The following SDK2 variants were observed in gnomAD, a reference collection of about 807,000 sequenced individuals.
SDK2 encodes sidekick cell adhesion molecule 2.
SDK2 carries 105 observed loss-of-function variants against 253.9 expected under a neutral mutation model. The observed-to-expected ratio is 0.41, with a 90% CI of 0.35 to 0.49. The LOEUF is 0.49. Among genes scored for constraint, SDK2 ranks in the 20% least tolerant of loss-of-function variants. The probability of loss-of-function intolerance (pLI) is 0.06; values close to 1 mark genes in which losing one functional copy is unlikely to be tolerated. For missense variants in SDK2, 2,608 were observed against 3,003.0 expected (o/e 0.87, Z 3.07); for synonymous variants, 1,249 against 1,234.9 (o/e 1.01, Z -0.24).
chr17:73,387,712 T>G, intron 30 of SDK2, 124 bp downstream of exon 30: 5 of 815,862 alleles, frequency 6.1e-6, no homozygotes, highest in Non-Finnish European at 7.6e-6. Flanking sequence ...GGGTGGTGCA[T>G]GTAGGAGGAG....
At position 73,395,245 on chromosome 17, in the gene SDK2, A is replaced by G. The variant is rs2062961242; in HGVS notation, c.3502T>C (p.Trp1168Arg). The G allele has an allele frequency of 6.2e-7, 1 of 1,612,878 alleles. No homozygotes were observed. The highest frequency in any genetic ancestry group is 1.3e-5 in the African/African-American group (1 of 74,690). ...RDYTIEDLEE[W>R]TEYRVQVQAF... is the part of the protein sequence containing the mutation. Reference sequence around the variant, plus strand: ...TGGACCTGGACGCGGTACTCTGTCCACTCCTCCAGGTCCTCGATGGTGTAG... The same window carrying G: ...TGGACCTGGACGCGGTACTCTGTCCGCTCCTCCAGGTCCTCGATGGTGTAG... Residue 1168 changes from tryptophan to arginine, a missense_variant, in exon 25 of 45, where the codon TGG becomes CGG. Physicochemically the swap from Trp to Arg is moderately radical, Grantham distance 101. Around this residue, in one of 2 missense-constraint regions of SDK2, gnomAD observed 1,505 missense variants for 1,859.1 expected, o/e 0.81. Transcript: ENST00000392650. The surrounding 1 kb of genome is among the most constrained non-coding windows in gnomAD (Gnocchi z 4.3).
rs2063980707 is a variant in SDK2, at chr17:73,511,552, G to C, written c.65-3955C>G. Among the ~76,000 whole-genome samples the C allele has an allele frequency of 6.6e-6, 1 of 152,120 alleles. No individual in the cohort carries two copies. The highest frequency in any genetic ancestry group is 2.4e-5 in the African/African-American group (1 of 41,436). ...TAATGACTCTGGGGAGGAGGAGAGG[G>C]AAGGGGAGGCCTTTCCCTGAGAGCC... On this transcript the variant is annotated intron_variant, in intron 1 of 44. Transcript: ENST00000392650. The surrounding 1 kb of genome is among the most constrained non-coding windows in gnomAD (Gnocchi z 4.9).
intron 1 of SDK2, among the ~76,000 whole-genome samples, chr17:73,514,411 C>T (rs2064006695): frequency 1.3e-5 from 2 of 152,216 alleles, no homozygotes; most frequent in African/African-American, 2.4e-5. Context: ...ATCTCAACTT[C>T]AACTTTTCCC....
Position 73,368,504 on chromosome 17 carries a change from C to G in SDK2, c.5070G>C (p.Leu1690Phe). 6.2e-7 allele frequency: 1 copy of G among 1,611,062 alleles called. No homozygotes were observed. The highest frequency in any genetic ancestry group is 2.2e-5 in the East Asian group (1 of 44,792). Residue 1690 changes from leucine to phenylalanine, a missense_variant, in exon 37 of 45, where the codon TTG (leucine) becomes TTC (phenylalanine). Transcript: ENST00000392650. The stretch of plus-strand genomic sequence containing the variant: ...TGACCATGTAGGCCGTGTAGCCAGT[C>G]AAGTTCTTGAGCTTCACGCTGTTCT... ...LAENSVKLKN[L>F]TGYTAYMVSV...
intron 29 of SDK2, among the ~76,000 whole-genome samples, chr17:73,389,091 C>G (rs2062904445): frequency 1.3e-5 from 2 of 150,388 alleles, no homozygotes; most frequent in Admixed American, 6.7e-5. Context: ...ACTACAGCCT[C>G]AAACTCCTTG....
chr17:73,535,049 A>C (rs2044750983), intron 1 of SDK2, among the ~76,000 whole-genome samples: 1 of 152,152 alleles, frequency 6.6e-6, no homozygotes, highest in Admixed American at 6.5e-5. Flanking sequence ...GAAAGAGTGG[A>C]ACCTCTTCCC....
intron 18 of SDK2, among the ~76,000 whole-genome samples, chr17:73,404,960 C>T (rs916458341): frequency 1.3e-5 from 2 of 151,826 alleles, no homozygotes; most frequent in Admixed American, 6.6e-5. Flanking sequence ...AGCTCTGTCA[C>T]TTACTGTGGG....
At position 73,356,805 on chromosome 17, in the gene SDK2, C is replaced by T. The variant is rs1457695408; in HGVS notation, c.5593+1274G>A. On this transcript the variant is annotated intron_variant, in intron 40 of 44. Coordinates refer to ENST00000392650, the MANE Select transcript of SDK2 (RefSeq NM_001144952.2). Reference sequence around the variant, plus strand: ...CTGGCTTGGTCCTTCCTTTTATGCTCAGGTCTTGATTCCACCAGTGTGGAC... The same window carrying T: ...CTGGCTTGGTCCTTCCTTTTATGCTTAGGTCTTGATTCCACCAGTGTGGAC... 5.3e-5 allele frequency among the ~76,000 whole-genome samples: 8 copies of T among 152,346 alleles called. 2 individuals are homozygous for T. The South Asian group carries it at 1.7e-3, about 32-fold the overall frequency.
intron 42 of SDK2, 107 bp downstream of exon 42, chr17:73,350,543 G>A (rs1599472728): frequency 3.5e-6 from 5 of 1,419,020 alleles, no homozygotes; most frequent in Non-Finnish European, 4.8e-6. Flanking sequence ...ACCAGAGCAG[G>A]TGCGCTGCCA....
Position 73,435,371 on chromosome 17 carries a change from G to T in SDK2, c.1195+79C>A. The T allele has an allele frequency of 2.2e-6, 3 of 1,367,838 alleles. No homozygotes were observed. Among genetic ancestry groups the T allele is most frequent in the Non-Finnish European group, 2.0e-6 (2 of 1,006,890 alleles). The allele number at this position is 1,367,838 out of a possible 1,614,324, so 84.7% of individuals were successfully genotyped here. On this transcript the variant is annotated intron_variant, in intron 9 of 44. Transcript: ENST00000392650. The surrounding 1 kb of genome is among the most constrained non-coding windows in gnomAD (Gnocchi z 5.7). ...TAATGGAACGTGCTATGCACAAGAG[G>T]CCCCTCGGAAGACCTTGGAAGAAAG...
chr17:73,558,814 C>A (rs1275685548), intron 1 of SDK2, among the ~76,000 whole-genome samples: 2 of 152,164 alleles, frequency 1.3e-5, no homozygotes, highest in Non-Finnish European at 2.9e-5. Context: ...GGGGTCTCAA[C>A]CCTCCCCCTA....
intron 1 of SDK2, among the ~76,000 whole-genome samples, chr17:73,524,902 G>T (rs1333166946): frequency 6.6e-6 from 1 of 152,376 alleles, no homozygotes; most frequent in East Asian, 1.9e-4. Flanking sequence ...TTTCAGGCAG[G>T]AGCAAGGGTT....
chr17:73,588,275 T>C (rs911217163), intron 1 of SDK2, among the ~76,000 whole-genome samples: 1 of 145,670 alleles, frequency 6.9e-6, no homozygotes, highest in Non-Finnish European at 1.5e-5. Context: ...TAATCTCAGC[T>C]ACTCGGGAGG....
chr17:73,381,139 G>A (rs930497944), intron 33 of SDK2, among the ~76,000 whole-genome samples, 189 bp from the exon 34 acceptor site: 7 of 152,222 alleles, frequency 4.6e-5, no homozygotes, highest in African/African-American at 1.7e-4. Flanking sequence ...GTGGGGGCAG[G>A]GGAAGGTGGA....
At position 73,481,892 on chromosome 17, in the gene SDK2, G is replaced by T. The variant is rs1482094896; in HGVS notation, c.225-9674C>A. 6.6e-6 allele frequency among the ~76,000 whole-genome samples: 1 copy of T among 152,268 alleles called. No individual in the cohort carries two copies. Among genetic ancestry groups the T allele is most frequent in the East Asian group, 1.9e-4 (1 of 5,172 alleles). The stretch of plus-strand genomic sequence containing the variant: ...TTGGCTGGCCTCCATAACCACATGG[G>T]CCAAGTCCCATAACGAACCTCGTGC... On this transcript the variant is annotated intron_variant, in intron 2 of 44. Coordinates refer to ENST00000392650, the MANE Select transcript of SDK2 (RefSeq NM_001144952.2). The surrounding 1 kb of genome is among the most constrained non-coding windows in gnomAD (Gnocchi z 4.5).
At chr17:73,434,239 G>C (rs185120766) in intron 9 of SDK2, among the ~76,000 whole-genome samples, 175 of 152,372 alleles carry the variant, frequency 1.1e-3, no homozygotes, top group African/African-American at 4.0e-3. Flanking sequence ...AACAGCCACA[G>C]CCAAGAGGGG....
At chr17:73,574,157 TCCA>T (rs1238629973) in intron 1 of SDK2, among the ~76,000 whole-genome samples, 1 of 152,224 alleles carries the variant, frequency 6.6e-6, no homozygotes, top group East Asian at 1.9e-4. Context: ...GAATGGAAGC[TCCA>T]TGAAGGCAAG....
At chr17:73,461,238 C>G (rs992253670) in intron 3 of SDK2, among the ~76,000 whole-genome samples, 1 of 152,254 alleles carries the variant, frequency 6.6e-6, no homozygotes, top group Non-Finnish European at 1.5e-5. Flanking sequence ...CCAGCATTCA[C>G]CACTTCCCTA....
chr17:73,628,775 C>T (rs892006510), intron 1 of SDK2, among the ~76,000 whole-genome samples: 3 of 152,232 alleles, frequency 2.0e-5, no homozygotes, highest in Admixed American at 6.5e-5. Context: ...AAACTCACCA[C>T]ACTTCAGAGA....
Sources: gnomAD v4.1 joint callset for allele counts (sites outside exome capture counted in the v4.1 genomes callset) on GRCh38, gnomAD v4.1.1 for gene constraint, gnomAD v4.1.1 regional missense constraint, Gnocchi (gnomAD v3.1) non-coding constraint, MANE v1.5 for transcripts, NCBI Gene and HGNC (gene_info 2026-07-23, HGNC 2026-07-21) for gene names.